Variants in CNTN3 observed in about 807,000 individuals in gnomAD.
The protein encoded by CNTN3 is contactin-3.
In CNTN3, 60 loss-of-function variants were observed where a neutral mutation model predicts 119.1. That is an observed-to-expected ratio of 0.50 (90% CI 0.41 to 0.62). The LOEUF (loss-of-function observed/expected upper bound fraction) is 0.62. CNTN3 is among the 20% of genes least tolerant of loss of function. The pLI is 0.00. For synonymous variants in CNTN3, 450 were observed against 438.7 expected (o/e 1.03, Z -0.32); for missense variants, 1,101 against 1,242.4 (o/e 0.89, Z 1.71).
Position 74,552,678 on chromosome 3 carries a change from G to T in CNTN3, c.-80-31486C>A, listed in dbSNP as rs575121604. 3.9e-5 allele frequency among the ~76,000 whole-genome samples: 6 copies of T among 152,270 alleles called. No individual in the cohort carries two copies. The South Asian group carries it at 1.2e-3, about 32-fold the overall frequency. ...TCAAATTGTAATCCCCACGTGTCAAGGAAGGGACCTGTAATCCCCACATGT... is the reference window on the plus strand; with the variant it reads ...TCAAATTGTAATCCCCACGTGTCAATGAAGGGACCTGTAATCCCCACATGT... On this transcript the variant is annotated intron_variant, in intron 1 of 22. Coordinates refer to ENST00000263665, the MANE Select transcript of CNTN3 (RefSeq NM_020872.3).
chr3:74,462,297 T>C (rs1340735215), intron 4 of CNTN3, among the ~76,000 whole-genome samples: 2 of 152,114 alleles, frequency 1.3e-5, no homozygotes, highest in Non-Finnish European at 2.9e-5. Context: ...TATTTCCTTA[T>C]AGCAATGTGA....
intron 13 of CNTN3, among the ~76,000 whole-genome samples, chr3:74,327,106 C>CATTTTTTTTTTTTTTTTTTT (rs1703152534): frequency 1.2e-5 from 1 of 80,184 alleles, no homozygotes; most frequent in Non-Finnish European, 2.1e-5. Flanking sequence ...AGGGTTAATC[C>CATTTTTTTTTTTTTTTTTTT]TTTTTTTTTT....
chr3:74,463,850 C>T (rs1448942441), intron 4 of CNTN3, among the ~76,000 whole-genome samples: 1 of 152,114 alleles, frequency 6.6e-6, no homozygotes, highest in South Asian at 2.1e-4. Context: ...ATTCATATTA[C>T]ACAATTGTTG....
intron 3 of CNTN3, among the ~76,000 whole-genome samples, chr3:74,499,016 C>G (rs984113046): frequency 1.6e-4 from 25 of 151,660 alleles, no homozygotes; most frequent in Admixed American, 6.6e-5. Flanking sequence ...CCATCATCAT[C>G]CCCAAAATAT....
At chr3:74,345,526 A>G (rs1362373168) in intron 11 of CNTN3, among the ~76,000 whole-genome samples, 1 of 152,230 alleles carries the variant, frequency 6.6e-6, no homozygotes, top group Non-Finnish European at 1.5e-5. Context: ...TAGCTAAAAG[A>G]AATGTGGCCT....
intron 5 of CNTN3, among the ~76,000 whole-genome samples, chr3:74,398,367 G>A (rs1363580883): frequency 3.9e-5 from 6 of 152,164 alleles, no homozygotes; most frequent in Admixed American, 2.0e-4. Context: ...CTAGCAAAAA[G>A]TTTACAACTT....
chr3:74,593,401 G>C (rs1704737170), intron 1 of CNTN3, among the ~76,000 whole-genome samples: 2 of 151,984 alleles, frequency 1.3e-5, no homozygotes, highest in African/African-American at 2.4e-5. Flanking sequence ...GACAGACATA[G>C]AGGGTTGATA....
chr3:74,445,966 G>A (rs1035911901), intron 4 of CNTN3, among the ~76,000 whole-genome samples: 5 of 152,132 alleles, frequency 3.3e-5, no homozygotes, highest in East Asian at 1.9e-4. Flanking sequence ...GCACTTGTGC[G>A]GCACTTCATT....
At position 74,311,150 on chromosome 3, in the gene CNTN3, T is replaced by G. The variant is rs1291333798; in HGVS notation, c.1669-8343A>C. ...CCTGTGTGTAAACCAGAGAAAGAAC[T>G]CCCAATGGCTCAGAGAGAATAAATT... is the stretch of plus-strand genomic sequence containing the variant. On this transcript the variant is annotated intron_variant, in intron 13 of 22. Coordinates refer to ENST00000263665, the MANE Select transcript of CNTN3 (RefSeq NM_020872.3). 3.3e-5 allele frequency among the ~76,000 whole-genome samples: 5 copies of G among 152,208 alleles called. No homozygotes were observed. In the East Asian group the frequency reaches 9.7e-4, roughly 30 times the overall value.
At chr3:74,614,266 G>A (rs534126719) in intron 1 of CNTN3, among the ~76,000 whole-genome samples, 125 bp downstream of exon 1, 49 of 152,286 alleles carry the variant, frequency 3.2e-4, no homozygotes, top group African/African-American at 1.1e-3. Context: ...GACCCGTCAG[G>A]TGCATTTCCC....
chr3:74,281,698 T>C (rs1326728733), intron 20 of CNTN3, among the ~76,000 whole-genome samples: 3 of 152,066 alleles, frequency 2.0e-5, no homozygotes, highest in East Asian at 3.9e-4. Context: ...GGATCTAGCG[T>C]AGGGTATGAG....
At chr3:74,371,158 A>AT (rs1337792969) in intron 6 of CNTN3, 38 bp downstream of exon 6, 3 of 1,481,924 alleles carry the variant, frequency 2.0e-6, no homozygotes, top group Non-Finnish European at 2.8e-6. Context: ...CCTCAGCACC[A>AT]TTTACGCTCA....
chr3:74,339,114 A>C (rs1162675560), intron 11 of CNTN3, among the ~76,000 whole-genome samples: 2 of 152,152 alleles, frequency 1.3e-5, no homozygotes, highest in African/African-American at 4.8e-5. Context: ...AATAAATAAA[A>C]ATTTAGGATA....
Position 74,301,627 on chromosome 3 carries a change from A to G in CNTN3, c.1945+20T>C. 1 of 1,613,620 alleles carries G rather than the reference A, an allele frequency of 6.2e-7. No individual in the cohort carries two copies. The highest frequency in any genetic ancestry group is 8.5e-7 in the Non-Finnish European group (1 of 1,179,718). On this transcript the variant is annotated intron_variant, in intron 15 of 22. Coordinates refer to ENST00000263665, the MANE Select transcript of CNTN3 (RefSeq NM_020872.3). ...ATCCATTTATATGTGTGCAGATGAC[A>G]TCTGCCTCTCCTGCTTTACCTGTTG...
At chr3:74,506,786 T>C (rs369482928) in intron 2 of CNTN3, among the ~76,000 whole-genome samples, 15 of 151,970 alleles carry the variant, frequency 9.9e-5, no homozygotes, top group African/African-American at 3.6e-4. Context: ...ATTATACTTA[T>C]TGTACATTTT....
chr3:74,453,117 C>T (rs1455407792), intron 4 of CNTN3, among the ~76,000 whole-genome samples: 1 of 151,984 alleles, frequency 6.6e-6, no homozygotes, highest in Non-Finnish European at 1.5e-5. Flanking sequence ...GTACCTCTGG[C>T]AGAATTCGGC....
chr3:74,417,390 CTT>C lies in CNTN3; in HGVS notation c.454+7453_454+7454del, dbSNP rs149963718. Among the ~76,000 whole-genome samples, 94 of 152,254 alleles carry C rather than the reference CTT, an allele frequency of 6.2e-4. 1 individual carries two copies. The East Asian group carries it at 0.018, about 29-fold the overall frequency. Reference sequence around the variant, plus strand: ...CAAGAGCAATACGCTCAGTTTTTCTCTTATTTAATATCAATCTTATTCAAGTG... The same window carrying C: ...CAAGAGCAATACGCTCAGTTTTTCTCATTTAATATCAATCTTATTCAAGTG... On this transcript the variant is annotated intron_variant, in intron 5 of 22. Transcript: ENST00000263665.
intron 1 of CNTN3, among the ~76,000 whole-genome samples, chr3:74,523,730 AT>A (rs1352926644): frequency 6.6e-6 from 1 of 151,924 alleles, no homozygotes; most frequent in African/African-American, 2.4e-5. Flanking sequence ...AACTATTCAA[AT>A]AAATATATGA....
At chr3:74,430,158 T>G (rs1701759712) in intron 4 of CNTN3, among the ~76,000 whole-genome samples, 1 of 152,168 alleles carries the variant, frequency 6.6e-6, no homozygotes, top group East Asian at 1.9e-4. Flanking sequence ...CCTAGAGAAA[T>G]GAAAACACTT....
Sources: gnomAD v4.1 joint callset for allele counts (sites outside exome capture counted in the v4.1 genomes callset) on GRCh38, gnomAD v4.1.1 for gene constraint, MANE v1.5 for transcripts, NCBI Gene and HGNC (gene_info 2026-07-23, HGNC 2026-07-21) for gene names.